Variants in PRR14L observed in about 807,000 individuals in gnomAD.
PRR14L encodes the protein protein PRR14L.
Under a neutral mutation model 155.0 loss-of-function variants are expected in PRR14L, and 80 were observed. The ratio of observed to expected loss-of-function variants is 0.52; its 90% CI spans 0.43 to 0.62. The LOEUF (loss-of-function observed/expected upper bound fraction) is 0.62. Among genes scored for constraint, PRR14L ranks in the 20% least tolerant of loss-of-function variants. PRR14L has a pLI of 0.00. For missense variants in PRR14L, 2,469 were observed against 2,548.0 expected (o/e 0.97, Z 0.67); for synonymous variants, 883 against 916.0 (o/e 0.96, Z 0.65).
At chr22:31,731,038 T>C (rs2074746194) in intron 2 of PRR14L, among the ~76,000 whole-genome samples, 1 of 152,176 alleles carries the variant, frequency 6.6e-6, no homozygotes. Context: ...GTCCTTCTGA[T>C]ATATCCCCAT....
In PRR14L at chr22:31,716,158, A is replaced by C; in HGVS notation, c.1681T>G (p.Ser561Ala). 1 of 1,551,422 alleles carries C rather than the reference A, an allele frequency of 6.4e-7. No individual in the cohort carries two copies. The highest frequency in any genetic ancestry group is 8.7e-7 in the Non-Finnish European group (1 of 1,146,822). The change falls in exon 4 of 9, where the codon TCA (serine) becomes GCA (alanine). Residue 561 changes from serine (S) to alanine (A), a missense_variant. By Grantham distance (99) the Ser-to-Ala change is moderately conservative (BLOSUM62 1). This residue lies in a region of PRR14L where 2,363 missense variants were observed against 2,371.6 expected (regional missense o/e 1.00). Coordinates refer to ENST00000327423, the MANE Select transcript of PRR14L (RefSeq NM_173566.3). ...LEGNTQLNEA[S>A]CNDFLFERKS... The stretch of plus-strand genomic sequence containing the variant: ...CTTTCAAACAGAAAATCATTACATG[A>C]TGCTTCATTTAACTGGGTGTTGCCT...
At chr22:31,743,347 G>C (rs938793726) in intron 1 of PRR14L, among the ~76,000 whole-genome samples, 5 of 152,056 alleles carry the variant, frequency 3.3e-5, no homozygotes, top group Non-Finnish European at 7.4e-5. Context: ...TGACAGCTGA[G>C]GGACACAGAG....
intron 2 of PRR14L, among the ~76,000 whole-genome samples, chr22:31,726,131 A>G (rs2074715325): frequency 1.3e-5 from 2 of 151,806 alleles, no homozygotes; most frequent in South Asian, 2.1e-4. Flanking sequence ...AGTTGTGACA[A>G]TAACAGAGGT....
At position 31,695,363 on chromosome 22, in the gene PRR14L, T is replaced by C. The variant is rs373071290; in HGVS notation, c.6107+6293A>G. 4.6e-5 allele frequency among the ~76,000 whole-genome samples: 7 copies of C among 152,268 alleles called. No homozygotes were observed. In the South Asian group the frequency reaches 1.0e-3, roughly 23 times the overall value. Reference sequence around the variant, plus strand: ...CAATGCAGGTGGAAGGGAGCTTCTCTTTCCGGTTTGGTGAGCTTTTTTTCT... The same window carrying C: ...CAATGCAGGTGGAAGGGAGCTTCTCCTTCCGGTTTGGTGAGCTTTTTTTCT... On this transcript the variant is annotated intron_variant, in intron 7 of 8. Transcript: ENST00000327423.
At chr22:31,710,756 T>C (rs1490860568) in intron 4 of PRR14L, among the ~76,000 whole-genome samples, 6 of 152,212 alleles carry the variant, frequency 3.9e-5, no homozygotes, top group South Asian at 2.1e-4. Flanking sequence ...ACCTGGCCAC[T>C]CTTTAGGGAT....
chr22:31,704,564 C>CACAG, intron 5 of PRR14L, 91 bp downstream of exon 5: 1 of 996,960 alleles, frequency 1.0e-6, no homozygotes, highest in East Asian at 2.5e-5. Flanking sequence ...AAAGTCATGC[C>CACAG]ACAGACGATC....
intron 8 of PRR14L, among the ~76,000 whole-genome samples, chr22:31,687,588 G>A (rs923806441): frequency 3.7e-4 from 55 of 150,646 alleles, no homozygotes; most frequent in African/African-American, 1.2e-3. Context: ...TCCTGACCTC[G>A]TGATCCACCC....
chr22:31,698,127 C>G (rs1380357073), intron 7 of PRR14L, among the ~76,000 whole-genome samples: 1 of 151,048 alleles, frequency 6.6e-6, no homozygotes, highest in Admixed American at 6.6e-5. Flanking sequence ...CGGGTTCAAG[C>G]GATTCTCCTG....
chr22:31,708,584 C>G (rs1016421742), intron 4 of PRR14L, among the ~76,000 whole-genome samples: 5 of 152,000 alleles, frequency 3.3e-5, no homozygotes, highest in Non-Finnish European at 7.4e-5. Flanking sequence ...GCCTTGGCCT[C>G]CCAAAGCGCT....
intron 1 of PRR14L, among the ~76,000 whole-genome samples, chr22:31,743,466 G>A (rs1439927195): frequency 6.6e-6 from 1 of 152,098 alleles, no homozygotes; most frequent in Non-Finnish European, 1.5e-5. Context: ...TCAGTCAATT[G>A]TATGGCATAT....
Position 31,716,660 on chromosome 22 carries a change from A to T in PRR14L, c.1179T>A (p.Ala393=), listed in dbSNP as rs1425503128. The T allele has an allele frequency of 1.9e-6, 3 of 1,551,980 alleles. No individual in the cohort carries two copies. The African/African-American group carries it at 4.1e-5, about 21-fold the overall frequency. ...YRGDDQGKNL[A]SREENEERLL... ...GCCGTTCCTCATTTTCTTCTCTAGAAGCCAAGTTCTTCCCTTGATCATCCC... is the reference window on the plus strand; with the variant it reads ...GCCGTTCCTCATTTTCTTCTCTAGATGCCAAGTTCTTCCCTTGATCATCCC... Residue 393 remains alanine, a synonymous_variant, in exon 4 of 9, where the codon GCT becomes GCA. Coordinates refer to ENST00000327423, the MANE Select transcript of PRR14L (RefSeq NM_173566.3).
At chr22:31,746,946 G>A (rs1345511337) in intron 1 of PRR14L, among the ~76,000 whole-genome samples, 2 of 151,716 alleles carry the variant, frequency 1.3e-5, no homozygotes, top group African/African-American at 4.9e-5. Flanking sequence ...ACAGGTGCCC[G>A]CCACCACGCC....
chr22:31,701,151 G>A (rs1244283338), intron 7 of PRR14L, among the ~76,000 whole-genome samples: 1 of 151,944 alleles, frequency 6.6e-6, no homozygotes, highest in African/African-American at 2.4e-5. Context: ...ACCAAGCCCG[G>A]CTAATTTTGT....
chr22:31,688,127 CCTTTT>C (rs777258308), intron 8 of PRR14L, 24 bp downstream of exon 8: 28 of 1,585,240 alleles, frequency 1.8e-5, no homozygotes, highest in African/African-American at 4.1e-5. Flanking sequence ...CAAATTCTTC[CCTTTT>C]ATTTCCCAGC....
intron 2 of PRR14L, among the ~76,000 whole-genome samples, chr22:31,728,595 A>T (rs903192483): frequency 1.3e-5 from 2 of 149,202 alleles, no homozygotes; most frequent in African/African-American, 4.9e-5. Context: ...CCTGGGTGAC[A>T]GAGACTTCAT....
Position 31,713,701 on chromosome 22 carries a change from G to C in PRR14L, c.4138C>G (p.Arg1380Gly). The change falls in exon 4 of 9, where the codon CGG becomes GGG. Residue 1380 changes from arginine to glycine, a missense_variant. Around this residue, in one of 2 missense-constraint regions of PRR14L, gnomAD observed 2,363 missense variants for 2,371.6 expected, o/e 1.00. Transcript: ENST00000327423. Reference sequence around the variant, plus strand: ...TTTTCAGCATGATTAAGTATCCCCCGGCATTTAAAATGGGTCTGAGAGATG... The same window carrying C: ...TTTTCAGCATGATTAAGTATCCCCCCGCATTTAAAATGGGTCTGAGAGATG... ...SNISQTHFKC[R>G]GILNHAEKQQ... is the part of the protein sequence containing the mutation. The C allele has an allele frequency of 7.1e-6, 11 of 1,552,118 alleles. No individual in the cohort carries two copies. The highest frequency in any genetic ancestry group is 1.4e-5 in the African/African-American group (1 of 73,094).
At position 31,712,654 on chromosome 22, in the gene PRR14L, C is replaced by G; in HGVS notation, c.5185G>C (p.Asp1729His). ...VSFHVKSSSS[D>H]CTTESSRTFP... is the part of the protein sequence containing the mutation. ...GTCCTTGAGGACTCAGTCGTGCAAT[C>G]TGAGCTGGATGATTTCACATGAAAG... Residue 1729 changes from aspartate to histidine, a missense_variant, in exon 4 of 9, where the codon GAT (aspartate) becomes CAT (histidine). This residue lies in a region of PRR14L where 2,363 missense variants were observed against 2,371.6 expected (regional missense o/e 1.00). Transcript: ENST00000327423. 9.0e-6 allele frequency: 14 copies of G among 1,551,746 alleles called. No individual in the cohort carries two copies. Among genetic ancestry groups the G allele is most frequent in the Non-Finnish European group, 1.2e-5 (14 of 1,147,004 alleles).
At position 31,683,704 on chromosome 22, in the gene PRR14L, C is replaced by T. The variant is rs1024727708; in HGVS notation, c.*1823G>A. On this transcript the variant is annotated 3_prime_UTR_variant, in exon 9 of 9. Transcript: ENST00000327423. ...TATGTCTGAGGCAGTGGGCCTAGAA[C>T]ATAGCCGTGGCACACTTTTCCCTCT... 2 of 152,254 alleles carry T rather than the reference C, an allele frequency of 1.3e-5. No homozygotes were observed. The highest frequency in any genetic ancestry group is 4.8e-5 in the African/African-American group (2 of 41,444). The allele number at this position is 152,254 out of a possible 1,614,324, so 9.4% of individuals were successfully genotyped here. A position where few individuals can be genotyped will look rare whatever the true frequency, so the allele number is the denominator to read the frequency against.
chr22:31,696,970 C>G (rs1034582177), intron 7 of PRR14L, among the ~76,000 whole-genome samples: 3 of 152,112 alleles, frequency 2.0e-5, no homozygotes, highest in Non-Finnish European at 2.9e-5. Flanking sequence ...CAAAAATTAG[C>G]TGGGTGTGGT....
Sources: gnomAD v4.1 joint callset for allele counts (sites outside exome capture counted in the v4.1 genomes callset) on GRCh38, gnomAD v4.1.1 for gene constraint, gnomAD v4.1.1 regional missense constraint, MANE v1.5 for transcripts, NCBI Gene and HGNC (gene_info 2026-07-23, HGNC 2026-07-21) for gene names.